Variants in NCKAP5L observed in about 807,000 individuals in gnomAD.
NCKAP5L encodes NCK associated protein 5 like.
In NCKAP5L, 54 loss-of-function variants were observed where a neutral mutation model predicts 103.2. The observed-to-expected ratio is 0.52, with a 90% CI of 0.42 to 0.66. The LOEUF (loss-of-function observed/expected upper bound fraction) is 0.66, where lower values mean the gene tolerates loss of function less well. Among genes scored for constraint, NCKAP5L ranks in the 30% least tolerant of loss-of-function variants. NCKAP5L has a pLI of 0.00. For synonymous variants in NCKAP5L, 762 were observed against 748.6 expected, an observed-to-expected ratio of 1.02 and a Z score of -0.29; for missense variants, 1,733 against 1,750.6, an observed-to-expected ratio of 0.99 and a Z score of 0.18.
chr12:49,799,270 CT>C (rs1320984365), intron 6 of NCKAP5L, among the ~76,000 whole-genome samples: 1 of 150,762 alleles, frequency 6.6e-6, no homozygotes, highest in East Asian at 2.0e-4. Flanking sequence ...CCTCAAGCAT[CT>C]TTTTTTTTCT....
intron 1 of NCKAP5L, among the ~76,000 whole-genome samples, chr12:49,810,396 C>T (rs1449625398): frequency 6.6e-6 from 1 of 152,192 alleles, no homozygotes; most frequent in East Asian, 1.9e-4. Context: ...CTGCAATTAA[C>T]TTATGTGCTG....
At chr12:49,814,871 G>A (rs758858259) in intron 1 of NCKAP5L, among the ~76,000 whole-genome samples, 3 of 152,116 alleles carry the variant, frequency 2.0e-5, no homozygotes, top group Non-Finnish European at 4.4e-5. Flanking sequence ...ACAATCCCTC[G>A]ACCTTTCCTT....
In NCKAP5L at chr12:49,796,717, C is replaced by G. The variant is rs1348763798; in HGVS notation, c.1143G>C (p.Trp381Cys). 43 of 1,605,464 alleles carry G rather than the reference C, an allele frequency of 2.7e-5. No homozygotes were observed. Among genetic ancestry groups the G allele is most frequent in the Non-Finnish European group, 3.7e-5 (43 of 1,176,100 alleles). Reference sequence around the variant, plus strand: ...TGTGGGCCTCTGGGGTACCCCCACCCCAAGCTGACTTGGGGAGGCCTTTGG... The same window carrying G: ...TGTGGGCCTCTGGGGTACCCCCACCGCAAGCTGACTTGGGGAGGCCTTTGG... ...SKSKGLPKSA[W>C]GGGTPEAHRP... The change falls in exon 8 of 13, where the codon TGG becomes TGC. Residue 381 changes from tryptophan (W) to cysteine (C), a missense_variant. By Grantham distance (215) the Trp-to-Cys change is radical (BLOSUM62 -2). Coordinates refer to ENST00000335999, the MANE Select transcript of NCKAP5L (RefSeq NM_001037806.4).
At chr12:49,810,481 G>A (rs747601891) in intron 1 of NCKAP5L, among the ~76,000 whole-genome samples, 2 of 152,164 alleles carry the variant, frequency 1.3e-5, no homozygotes, top group African/African-American at 2.4e-5. Context: ...TGCCACAGTG[G>A]TTCCCACAGT....
chr12:49,803,287 G>A (rs1946141771), intron 3 of NCKAP5L, 122 bp from the exon 4 acceptor site: 1 of 892,790 alleles, frequency 1.1e-6, no homozygotes, highest in African/African-American at 1.6e-5. Flanking sequence ...CCCCACTCCA[G>A]CTCTTGGCTG....
chr12:49,792,187 C>T lies in NCKAP5L; in HGVS notation c.3793-136G>A. On this transcript the variant is annotated intron_variant, in intron 12 of 12. Coordinates refer to ENST00000335999, the MANE Select transcript of NCKAP5L (RefSeq NM_001037806.4). The surrounding 1 kb of genome is among the most constrained non-coding windows in gnomAD (Gnocchi z 4.5). ...AGGGGGCCCAAGGTGGGGTATACTTCAGAGGAAACAGGCTGGAGGTACAAC... is the reference window on the plus strand; with the variant it reads ...AGGGGGCCCAAGGTGGGGTATACTTTAGAGGAAACAGGCTGGAGGTACAAC... The T allele has an allele frequency of 9.7e-7, 1 of 1,034,258 alleles. No homozygotes were observed. Among genetic ancestry groups the T allele is most frequent in the Non-Finnish European group, 1.4e-6 (1 of 704,610 alleles). 64.1% of individuals were successfully genotyped at this position (1,034,258 alleles called of 1,614,324 possible).
At position 49,792,184 on chromosome 12, in the gene NCKAP5L, C is replaced by T. The variant is rs1945946812; in HGVS notation, c.3793-133G>A. The T allele has an allele frequency of 9.5e-7, 1 of 1,049,002 alleles. No individual in the cohort carries two copies. 65.0% of individuals were successfully genotyped at this position (1,049,002 alleles called of 1,614,324 possible). On this transcript the variant is annotated intron_variant, in intron 12 of 12. Transcript: ENST00000335999. This position sits in a 1 kb window ranked among gnomAD's most constrained non-coding sequence, Gnocchi z 4.5. ...CAGAGGGGGCCCAAGGTGGGGTATA[C>T]TTCAGAGGAAACAGGCTGGAGGTAC...
intron 1 of NCKAP5L, among the ~76,000 whole-genome samples, chr12:49,823,150 T>C (rs1946379330): frequency 1.3e-5 from 2 of 152,138 alleles, no homozygotes; most frequent in South Asian, 2.1e-4. Context: ...TATTCAGAAG[T>C]TGGTCAGGGG....
chr12:49,820,278 TCCTAGTG>T, intron 1 of NCKAP5L, among the ~76,000 whole-genome samples: 1 of 149,962 alleles, frequency 6.7e-6, no homozygotes, highest in East Asian at 2.0e-4. Flanking sequence ...CCCTTCCAGC[TCCTAGTG>T]CCCATCCCCC....
intron 8 of NCKAP5L, among the ~76,000 whole-genome samples, 197 bp from the exon 9 acceptor site, chr12:49,794,093 G>A (rs1028672894): frequency 6.6e-5 from 10 of 152,184 alleles, no homozygotes; most frequent in South Asian, 2.1e-4. Context: ...GAACCCCAGA[G>A]GAACAGAGGG....
chr12:49,796,542 A>G lies in NCKAP5L; in HGVS notation c.1318T>C (p.Ser440Pro). Residue 440 changes from serine to proline, a missense_variant, in exon 8 of 13, where the codon TCT (serine) becomes CCT (proline). By Grantham distance (74) the Ser-to-Pro change is moderately conservative (BLOSUM62 -1). Transcript: ENST00000335999. ...VKSKLQIGPP[S>P]PGEAQGPLLP... ...AGGGGTCCCTGAGCTTCCCCAGGAG[A>G]AGGGGGGCCAATTTGGAGCTTGCTT... is the stretch of plus-strand genomic sequence containing the variant. 1 of 1,586,004 alleles carries G rather than the reference A, an allele frequency of 6.3e-7. No individual in the cohort carries two copies. The highest frequency in any genetic ancestry group is 8.6e-7 in the Non-Finnish European group (1 of 1,168,166).
chr12:49,803,918 G>A lies in NCKAP5L; in HGVS notation c.123+4C>T, dbSNP rs768292391. 1.7e-5 allele frequency: 27 copies of A among 1,605,422 alleles called. 2 individuals carry two copies. The South Asian group carries it at 1.9e-4, about 11-fold the overall frequency. On this transcript the variant is annotated splice_donor_region_variant and intron_variant, in intron 3 of 12. Transcript: ENST00000335999. ...TGCTGCCCCTACCACGCCCCATGCC[G>A]CACCTCCAGCTCCCGCAGTCGGTGC...
chr12:49,816,031 G>A (rs554175093), intron 1 of NCKAP5L, among the ~76,000 whole-genome samples: 36 of 152,218 alleles, frequency 2.4e-4, no homozygotes, highest in Admixed American at 9.8e-4. Flanking sequence ...GCAACTCTTC[G>A]GACAAGCTTT....
chr12:49,822,723 T>G (rs1269606742), intron 1 of NCKAP5L, among the ~76,000 whole-genome samples: 1 of 151,974 alleles, frequency 6.6e-6, no homozygotes, highest in Non-Finnish European at 1.5e-5. Flanking sequence ...ATTTTTATAT[T>G]TTTTGGTAGA....
chr12:49,821,065 G>A (rs74092117), intron 1 of NCKAP5L, among the ~76,000 whole-genome samples: 4,692 of 152,264 alleles, frequency 0.031, 261 homozygotes, highest in African/African-American at 0.11. Flanking sequence ...TAAGGAGCTC[G>A]GCAGGGCCTT....
At chr12:49,826,130 C>G (rs1487918328) in intron 1 of NCKAP5L, among the ~76,000 whole-genome samples, 1 of 147,402 alleles carries the variant, frequency 6.8e-6, no homozygotes, top group Admixed American at 7.0e-5. Context: ...GGTGTGAGTA[C>G]AGCAGTGAGG....
At chr12:49,819,022 C>T (rs936559245) in intron 1 of NCKAP5L, among the ~76,000 whole-genome samples, 4 of 144,676 alleles carry the variant, frequency 2.8e-5, no homozygotes, top group African/African-American at 1.0e-4. Context: ...CACAACAAGA[C>T]CTTGTATTTA....
chr12:49,808,379 C>A (rs376767400), intron 1 of NCKAP5L, among the ~76,000 whole-genome samples: 180 of 152,306 alleles, frequency 1.2e-3, no homozygotes, highest in African/African-American at 4.3e-3. Flanking sequence ...GATGAGGGGG[C>A]CTCCTCTGCA....
intron 1 of NCKAP5L, among the ~76,000 whole-genome samples, chr12:49,817,806 A>G (rs968583656): frequency 6.6e-6 from 1 of 152,200 alleles, no homozygotes; most frequent in Non-Finnish European, 1.5e-5. Flanking sequence ...ATCTCACACC[A>G]TATATAAAAA....
Sources: allele counts gnomAD v4.1 joint callset (sites outside exome capture counted in the v4.1 genomes callset), GRCh38; gene constraint gnomAD v4.1.1; non-coding constraint Gnocchi (gnomAD v3.1); transcripts MANE v1.5; gene names NCBI Gene and HGNC (gene_info 2026-07-23, HGNC 2026-07-21).